Variants in AIFM1 observed in about 807,000 individuals in gnomAD.
AIFM1 encodes apoptosis-inducing factor 1, mitochondrial.
AIFM1 carries 3 observed loss-of-function variants against 51.7 expected under a neutral mutation model. The observed-to-expected ratio is 0.06, with a 90% CI of 0.03 to 0.15. The LOEUF is 0.15. Among genes scored for constraint, AIFM1 ranks in the 10% least tolerant of loss-of-function variants. The pLI is 1.00. For missense variants in AIFM1, 330 were observed against 476.8 expected (o/e 0.69, Z 2.87); for synonymous variants, 178 against 179.4 (o/e 0.99, Z 0.06).
chrX:130,148,457 G>T (rs943847896), intron 3 of AIFM1, among the ~76,000 whole-genome samples: 1 of 111,756 alleles, frequency 8.9e-6, no homozygotes, highest in African/African-American at 3.3e-5. Context: ...TGTGCTTTAG[G>T]AAAGCAAATA....
chrX:130,149,345 T>C (rs2030875911), intron 3 of AIFM1, 124 bp downstream of exon 3: 1 of 597,931 alleles, frequency 1.7e-6, no homozygotes, highest in Non-Finnish European at 2.9e-6. Context: ...CCATACTTTC[T>C]AGATGCTTGC....
intron 6 of AIFM1, among the ~76,000 whole-genome samples, chrX:130,143,905 T>C (rs765194059): frequency 9.0e-6 from 1 of 111,243 alleles, no homozygotes; most frequent in East Asian, 2.8e-4. Flanking sequence ...GGCTCTGGAA[T>C]CAGAATAGCT....
intron 6 of AIFM1, among the ~76,000 whole-genome samples, 197 bp from the exon 7 acceptor site, chrX:130,140,814 C>T (rs1313470413): frequency 2.7e-5 from 3 of 112,527 alleles, no homozygotes; most frequent in Non-Finnish European, 5.6e-5. Context: ...AACTCCAGGT[C>T]AATAAGAAGT....
intron 2 of AIFM1, among the ~76,000 whole-genome samples, chrX:130,153,457 GTTATAC>G (rs199556031): frequency 2.1e-3 from 234 of 110,271 alleles, no homozygotes; most frequent in African/African-American, 6.7e-3. Flanking sequence ...CAAAGTAATA[GTTATAC>G]TTAAGTTAGG....
At chrX:130,146,157 G>A (rs1213355534) in intron 5 of AIFM1, among the ~76,000 whole-genome samples, 1 of 111,719 alleles carries the variant, frequency 9.0e-6, no homozygotes, top group African/African-American at 3.3e-5. Flanking sequence ...ATTAATATTG[G>A]CTGAGTGCAG....
At chrX:130,131,573 T>C in intron 14 of AIFM1, 102 bp downstream of exon 14, 4 of 1,088,568 alleles carry the variant, frequency 3.7e-6, no homozygotes, top group Admixed American at 2.2e-5. Context: ...AGAGAGGCTT[T>C]CACTGACAAG....
Position 130,165,829 on chromosome X carries a change from G to A in AIFM1, c.-173C>T, listed in dbSNP as rs1192065875. The A allele has an allele frequency of 1.2e-5, 6 of 503,629 alleles. No homozygotes were observed. The highest frequency in any genetic ancestry group is 1.1e-4 in the South Asian group (4 of 37,786). 41.5% of individuals were successfully genotyped at this position (503,629 alleles called of 1,213,427 possible). The stretch of plus-strand genomic sequence containing the variant: ...ACAGAGAAGCCGGCCTGCTAGAGCC[G>A]GGGAAGGGGAACGGCGACCGGAGGC... On this transcript the variant is annotated 5_prime_UTR_variant, in exon 1 of 16. Transcript: ENST00000287295.
intron 8 of AIFM1, 74 bp downstream of exon 8, chrX:130,139,721 G>A: frequency 1.0e-6 from 1 of 982,178 alleles, no homozygotes; most frequent in Non-Finnish European, 1.5e-6. Flanking sequence ...AGTCCCGGGT[G>A]GGCACTTGGG....
At chrX:130,161,074 TTTCC>T (rs1383988260) in intron 1 of AIFM1, among the ~76,000 whole-genome samples, 5 of 111,394 alleles carry the variant, frequency 4.5e-5, no homozygotes, top group Middle Eastern at 4.6e-3. Flanking sequence ...GGTTTTGTGA[TTTCC>T]TGTTTTTCCA....
intron 2 of AIFM1, among the ~76,000 whole-genome samples, chrX:130,154,558 T>C (rs190792509): frequency 8.9e-6 from 1 of 112,228 alleles, no homozygotes; most frequent in East Asian, 2.8e-4. Context: ...CAGCCACTAG[T>C]TTGACCAAAT....
intron 1 of AIFM1, among the ~76,000 whole-genome samples, chrX:130,163,304 C>CAAAAAA (rs10708248): frequency 1.5e-5 from 1 of 66,847 alleles, no homozygotes; most frequent in African/African-American, 5.0e-5. Flanking sequence ...GACTCCGCCT[C>CAAAAAA]AAAAAAAAAA....
intron 2 of AIFM1, among the ~76,000 whole-genome samples, chrX:130,153,116 C>A (rs188915382): frequency 5.8e-5 from 6 of 103,330 alleles, no homozygotes; most frequent in African/African-American, 1.8e-4. Flanking sequence ...GTGGATCACC[C>A]GAGGTCAGGA....
chrX:130,143,055 TTTAAG>T (rs2030633043), intron 6 of AIFM1, among the ~76,000 whole-genome samples: 1 of 112,041 alleles, frequency 8.9e-6, no homozygotes, highest in Non-Finnish European at 1.9e-5. Context: ...CATACTGCTC[TTTAAG>T]TTCTTTCCTA....
At chrX:130,136,269 A>G (rs1212299170) in intron 11 of AIFM1, 84 bp from the exon 12 acceptor site, 3 of 1,072,468 alleles carry the variant, frequency 2.8e-6, no homozygotes, top group Non-Finnish European at 3.9e-6. Flanking sequence ...TCATGCCATT[A>G]AGAATTGGGA....
At chrX:130,156,378 A>T in intron 2 of AIFM1, 83 bp downstream of exon 2, 1 of 1,172,870 alleles carries the variant, frequency 8.5e-7, no homozygotes, top group Non-Finnish European at 1.2e-6. Context: ...AATTAGTTGC[A>T]AAAGTTTTAA....
At chrX:130,137,631 T>G in intron 9 of AIFM1, 1 of 1,123,976 alleles carries the variant, frequency 8.9e-7, no homozygotes, top group South Asian at 2.2e-5. Context: ...TTTTTGGCAT[T>G]TTACAGGAAG....
intron 6 of AIFM1, among the ~76,000 whole-genome samples, chrX:130,144,165 C>T (rs2030674648): frequency 9.0e-6 from 1 of 111,344 alleles, no homozygotes; most frequent in African/African-American, 3.3e-5. Context: ...TTACCTCTTA[C>T]TTTCTTCTTC....
At chrX:130,152,415 G>A (rs1397805294) in intron 2 of AIFM1, among the ~76,000 whole-genome samples, 1 of 111,800 alleles carries the variant, frequency 8.9e-6, no homozygotes, top group African/African-American at 3.3e-5. Flanking sequence ...CTCCTAGTTT[G>A]CACAGATTTC....
chrX:130,138,283 G>A (rs2030440522), intron 9 of AIFM1, among the ~76,000 whole-genome samples: 1 of 110,348 alleles, frequency 9.1e-6, no homozygotes, highest in Non-Finnish European at 1.9e-5. Flanking sequence ...GGCTAACACG[G>A]TGAAACCCCA....
Sources: gnomAD v4.1 joint callset for allele counts (sites outside exome capture counted in the v4.1 genomes callset) on GRCh38, gnomAD v4.1.1 for gene constraint, MANE v1.5 for transcripts, NCBI Gene and HGNC (gene_info 2026-07-23, HGNC 2026-07-21) for gene names.